The following TMTC2 variants were observed in gnomAD, a reference collection of about 807,000 sequenced individuals.
The protein encoded by TMTC2 is protein O-mannosyl-transferase TMTC2.
A neutral mutation model predicts 82.4 loss-of-function variants in TMTC2; 43 were observed. The observed-to-expected ratio is 0.52, with a 90% CI of 0.41 to 0.67. TMTC2 has a LOEUF of 0.67. Ranked by LOEUF, TMTC2 falls within the 30% of genes least tolerant of loss-of-function variation. TMTC2 has a pLI of 0.00. For missense variants in TMTC2, 919 were observed against 1,012.4 expected (o/e 0.91, Z 1.25); for synonymous variants, 408 against 381.9 (o/e 1.07, Z -0.80).
In TMTC2 at chr12:82,845,252, A is replaced by AAAAAAAAT. The variant is rs1555190264; in HGVS notation, c.84-11757_84-11756insAAAAAATA. 4.4e-4 allele frequency among the ~76,000 whole-genome samples: 17 copies of AAAAAAAAT among 38,802 alleles called. 1 individual carries two copies. The highest frequency in any genetic ancestry group is 1.0e-3 in the East Asian group (1 of 956). 25.5% of individuals were successfully genotyped at this position (38,802 alleles called of 152,430 possible). ...AAAAAAAAAAAAAAAAAAAAAAAAA[A>AAAAAAAAT]ATATATATATATATATATATATTGA... is the stretch of plus-strand genomic sequence containing the variant. On this transcript the variant is annotated intron_variant, in intron 1 of 11. Transcript: ENST00000321196.
At position 82,947,326 on chromosome 12, in the gene TMTC2, TTTTTTTTTC is replaced by T. The variant is rs1345773656; in HGVS notation, c.1598+16790_1598+16798del. Among the ~76,000 whole-genome samples the T allele has an allele frequency of 0.02, 28 of 1,432 alleles. No homozygotes were observed. In the East Asian group the frequency reaches 0.33, roughly 17 times the overall value. 0.9% of individuals were successfully genotyped at this position (1,432 alleles called of 152,430 possible). On this transcript the variant is annotated intron_variant, in intron 4 of 11. Transcript: ENST00000321196. The stretch of plus-strand genomic sequence containing the variant: ...AACTGGGTGTTGGAGCAGAGTGCAA[TTTTTTTTTC>T]TTTTTTTTTCTTTTTTTTTTTTTTG...
At chr12:82,948,485 A>ATC (rs1218527894) in intron 4 of TMTC2, among the ~76,000 whole-genome samples, 1 of 152,152 alleles carries the variant, frequency 6.6e-6, no homozygotes, top group Non-Finnish European at 1.5e-5. Flanking sequence ...AAGCAAAAAA[A>ATC]TATATATATA....
At position 82,729,395 on chromosome 12, in the gene TMTC2, T is replaced by C. The variant is rs139773632; in HGVS notation, c.83+41726T>C. 2.5e-3 allele frequency among the ~76,000 whole-genome samples: 379 copies of C among 152,182 alleles called. 2 individuals are homozygous for C. Among genetic ancestry groups the C allele is most frequent in the African/African-American group, 8.5e-3 (354 of 41,522 alleles). On this transcript the variant is annotated intron_variant, in intron 1 of 11. Coordinates refer to ENST00000321196, the MANE Select transcript of TMTC2 (RefSeq NM_152588.3). ...TTATGTCTAGCTAAGGGTTTGTAAA[T>C]ATACCAGTTGCACTCTGTATCTAGT...
chr12:82,979,542 C>T (rs761366976), intron 7 of TMTC2, among the ~76,000 whole-genome samples: 28 of 151,570 alleles, frequency 1.8e-4, no homozygotes, highest in Non-Finnish European at 2.8e-4. Flanking sequence ...GTGCATGTCT[C>T]GAATAGTTGT....
At chr12:82,869,849 AT>A (rs1325007662) in intron 2 of TMTC2, among the ~76,000 whole-genome samples, 13 of 151,684 alleles carry the variant, frequency 8.6e-5, no homozygotes, top group African/African-American at 2.4e-4. Context: ...AAAAAAAAAA[AT>A]AAATAAAAAA....
At chr12:82,718,194 A>G (rs1291315680) in intron 1 of TMTC2, among the ~76,000 whole-genome samples, 1 of 152,240 alleles carries the variant, frequency 6.6e-6, no homozygotes, top group East Asian at 1.9e-4. Context: ...GGCAGTATCC[A>G]TAAAGACACA....
intron 1 of TMTC2, among the ~76,000 whole-genome samples, chr12:82,696,281 C>A (rs796470617): frequency 5.3e-5 from 8 of 152,088 alleles, no homozygotes; most frequent in African/African-American, 1.9e-4. Context: ...TACCTGAATT[C>A]GTTTGGTAAA....
intron 1 of TMTC2, among the ~76,000 whole-genome samples, chr12:82,706,327 A>G (rs894155103): frequency 6.6e-6 from 1 of 150,780 alleles, no homozygotes; most frequent in Non-Finnish European, 1.5e-5. Flanking sequence ...CCATCTCAAA[A>G]AAAAAAAAAA....
At position 82,801,592 on chromosome 12, in the gene TMTC2, C is replaced by G. The variant is rs192726271; in HGVS notation, c.84-55418C>G. ...GATTGCTGATTAGTGCGTTTACAAT[C>G]CCTGAGCTAGACATAAAGGTTCTCC... is the stretch of plus-strand genomic sequence containing the variant. On this transcript the variant is annotated intron_variant, in intron 1 of 11. Transcript: ENST00000321196. Among the ~76,000 whole-genome samples, 136 of 152,258 alleles carry G rather than the reference C, an allele frequency of 8.9e-4. 1 individual carries two copies. The highest frequency in any genetic ancestry group is 3.0e-3 in the African/African-American group (123 of 41,572).
intron 1 of TMTC2, among the ~76,000 whole-genome samples, chr12:82,748,445 A>G (rs956833438): frequency 3.9e-5 from 6 of 152,212 alleles, no homozygotes; most frequent in African/African-American, 9.6e-5. Context: ...GCAACTTACT[A>G]ATGGTATGAT....
Position 83,043,662 on chromosome 12 carries a change from A to G in TMTC2, c.2153-7242A>G, listed in dbSNP as rs80030287. Among the ~76,000 whole-genome samples the G allele has an allele frequency of 8.8e-3, 1,336 of 152,296 alleles. 29 individuals are homozygous for G. The highest frequency in any genetic ancestry group is 0.031 in the African/African-American group (1,280 of 41,558). On this transcript the variant is annotated intron_variant, in intron 9 of 11. Transcript: ENST00000321196. ...TTTAGATGAGTTTTGGTGTGAAACT[A>G]TCTCTGTAATCTCCTCTCTCCTCTA...
intron 8 of TMTC2, among the ~76,000 whole-genome samples, chr12:83,005,427 G>A (rs1019285282): frequency 6.6e-6 from 1 of 152,016 alleles, no homozygotes; most frequent in Non-Finnish European, 1.5e-5. Flanking sequence ...GCTCTGTGGT[G>A]GGGGAGATGG....
intron 11 of TMTC2, among the ~76,000 whole-genome samples, chr12:83,098,304 CT>C (rs1214568018): frequency 6.6e-6 from 1 of 152,216 alleles, no homozygotes; most frequent in Non-Finnish European, 1.5e-5. Context: ...TTACTTTCAG[CT>C]TTTTTTCTCT....
At chr12:83,046,250 G>A (rs1882122919) in intron 9 of TMTC2, among the ~76,000 whole-genome samples, 1 of 152,130 alleles carries the variant, frequency 6.6e-6, no homozygotes, top group Non-Finnish European at 1.5e-5. Flanking sequence ...AATCCCAGAT[G>A]TCATCAGTGT....
At chr12:83,032,206 C>G (rs1881455943) in intron 9 of TMTC2, among the ~76,000 whole-genome samples, 1 of 147,656 alleles carries the variant, frequency 6.8e-6, no homozygotes, top group Non-Finnish European at 1.5e-5. Flanking sequence ...CATACTGATT[C>G]TACTTACTGC....
At chr12:82,875,526 A>C (rs1872443035) in intron 2 of TMTC2, among the ~76,000 whole-genome samples, 1 of 152,162 alleles carries the variant, frequency 6.6e-6, no homozygotes, top group African/African-American at 2.4e-5. Flanking sequence ...AGTATCTTTG[A>C]TCCCACTTTG....
intron 1 of TMTC2, among the ~76,000 whole-genome samples, chr12:82,719,602 A>C (rs1874098885): frequency 6.6e-6 from 1 of 151,396 alleles, no homozygotes; most frequent in Non-Finnish European, 1.5e-5. Flanking sequence ...TTTTATACCT[A>C]ATTACTCATG....
intron 1 of TMTC2, among the ~76,000 whole-genome samples, chr12:82,729,007 T>G (rs1186521668): frequency 6.6e-6 from 1 of 152,158 alleles, no homozygotes; most frequent in Non-Finnish European, 1.5e-5. Flanking sequence ...GCCTCCGCCC[T>G]CACCCTGCGG....
chr12:82,971,810 C>A (rs199767326), intron 7 of TMTC2, among the ~76,000 whole-genome samples: 115 of 145,488 alleles, frequency 7.9e-4, no homozygotes, highest in African/African-American at 8.5e-4. Flanking sequence ...CCTCTGTATG[C>A]AAAAAAAAAA....
Sources: gnomAD v4.1 joint callset for allele counts (sites outside exome capture counted in the v4.1 genomes callset) on GRCh38, gnomAD v4.1.1 for gene constraint, MANE v1.5 for transcripts, NCBI Gene and HGNC (gene_info 2026-07-23, HGNC 2026-07-21) for gene names.